The following ZBTB20 variants were observed in gnomAD, a reference collection of about 807,000 sequenced individuals.
The protein encoded by ZBTB20 is zinc finger and BTB domain containing 20.
In ZBTB20, 9 loss-of-function variants were observed where a neutral mutation model predicts 56.9. The ratio of observed to expected loss-of-function variants is 0.16; its 90% CI spans 0.10 to 0.28. The LOEUF (loss-of-function observed/expected upper bound fraction) is 0.28, where lower values mean the gene tolerates loss of function less well. Among genes scored for constraint, ZBTB20 ranks in the 10% least tolerant of loss-of-function variants. The pLI is 1.00. For missense variants in ZBTB20, 655 were observed against 1,003.0 expected, an observed-to-expected ratio of 0.65 and a Z score of 4.69; for synonymous variants, 417 against 420.7, an observed-to-expected ratio of 0.99 and a Z score of 0.11.
chr3:114,413,751 C>A (rs2088226976), intron 7 of ZBTB20, among the ~76,000 whole-genome samples: 1 of 152,132 alleles, frequency 6.6e-6, no homozygotes, highest in African/African-American at 2.4e-5. Flanking sequence ...TCTGCAGCAA[C>A]TATTATCATC....
chr3:114,733,416 A>G (rs2065903596), intron 5 of ZBTB20, among the ~76,000 whole-genome samples: 1 of 152,174 alleles, frequency 6.6e-6, no homozygotes, highest in Admixed American at 6.5e-5. Context: ...GGTTGGTGTC[A>G]CAGCTAATAC....
intron 2 of ZBTB20, among the ~76,000 whole-genome samples, chr3:115,051,890 C>T (rs2081564724): frequency 6.6e-6 from 1 of 151,840 alleles, no homozygotes; most frequent in South Asian, 2.1e-4. Context: ...GCAAGCATGG[C>T]TTACTATGGA....
At chr3:114,515,383 A>G (rs2109854491) in intron 6 of ZBTB20, among the ~76,000 whole-genome samples, 1 of 152,310 alleles carries the variant, frequency 6.6e-6, no homozygotes, top group Middle Eastern at 3.4e-3. Context: ...TGGAGCTCAG[A>G]TGAACCCACA....
chr3:114,949,690 C>T (rs1172770322), intron 3 of ZBTB20, among the ~76,000 whole-genome samples: 1 of 146,090 alleles, frequency 6.8e-6, no homozygotes, highest in Non-Finnish European at 1.5e-5. Context: ...ATCGCTTGAA[C>T]TCAGGAGGCA....
At chr3:115,118,176 T>C (rs1205202505) in intron 1 of ZBTB20, among the ~76,000 whole-genome samples, 1 of 152,160 alleles carries the variant, frequency 6.6e-6, no homozygotes, top group African/African-American at 2.4e-5. Flanking sequence ...TCAAATTTTG[T>C]TGTATTGTAG....
chr3:114,727,035 T>G (rs1338235691), intron 5 of ZBTB20, among the ~76,000 whole-genome samples: 1 of 149,804 alleles, frequency 6.7e-6, no homozygotes, highest in Non-Finnish European at 1.5e-5. Flanking sequence ...GGAATAGCCC[T>G]CTTTATTTCC....
At chr3:115,011,698 A>AT (rs1477719761) in intron 2 of ZBTB20, among the ~76,000 whole-genome samples, 8 of 151,924 alleles carry the variant, frequency 5.3e-5, no homozygotes, top group Admixed American at 1.3e-4. Context: ...TTAATGAGCA[A>AT]TAAAAAAATC....
chr3:114,424,835 T>C (rs148362798), intron 7 of ZBTB20, among the ~76,000 whole-genome samples: 43 of 152,322 alleles, frequency 2.8e-4, no homozygotes, highest in African/African-American at 1.0e-3. Flanking sequence ...CAAGTCCTTT[T>C]ACTGTCATTC....
At chr3:114,572,405 G>T (rs1470747830) in intron 6 of ZBTB20, among the ~76,000 whole-genome samples, 1 of 152,204 alleles carries the variant, frequency 6.6e-6, no homozygotes, top group Non-Finnish European at 1.5e-5. Flanking sequence ...ACTAGGCTAA[G>T]AATCCTTCAT....
intron 10 of ZBTB20, among the ~76,000 whole-genome samples, chr3:114,360,358 T>TTTTGAGAC (rs1553798292): frequency 2.7e-4 from 41 of 150,560 alleles, no homozygotes; most frequent in African/African-American, 9.2e-4. Flanking sequence ...TTTTTTTTTT[T>TTTTGAGAC]TTTGAGACGG....
intron 7 of ZBTB20, among the ~76,000 whole-genome samples, chr3:114,487,708 C>T (rs1029753941): frequency 6.6e-6 from 1 of 152,180 alleles, no homozygotes; most frequent in Non-Finnish European, 1.5e-5. Context: ...ACAGTTTGCA[C>T]GGCAGAGGCG....
intron 6 of ZBTB20, chr3:114,528,894 G>A (rs945736909): frequency 6.6e-6 from 1 of 152,020 alleles, no homozygotes; most frequent in Non-Finnish European, 1.5e-5. Flanking sequence ...GATGTTGAAA[G>A]CTAACATGTC....
Position 114,611,727 on chromosome 3 carries a change from A to G in ZBTB20, c.-295+81801T>C, listed in dbSNP as rs573173048. 2.0e-5 allele frequency among the ~76,000 whole-genome samples: 3 copies of G among 152,238 alleles called. No homozygotes were observed. In the East Asian group the frequency reaches 5.8e-4, roughly 29 times the overall value. On this transcript the variant is annotated intron_variant, in intron 6 of 11. Coordinates refer to ENST00000675478, the MANE Select transcript of ZBTB20 (RefSeq NM_001348800.3). ...ATCCCCACAGTCATGAGTGTATTTG[A>G]GTCTTGATTGCTCTTTACTTAAATT...
chr3:114,419,213 G>C (rs891338432), intron 7 of ZBTB20: 1 of 152,072 alleles, frequency 6.6e-6, no homozygotes, highest in South Asian at 2.1e-4. Context: ...AATACACGGA[G>C]TTCACTTTCA....
intron 4 of ZBTB20, among the ~76,000 whole-genome samples, chr3:114,817,154 C>A (rs1158174807): frequency 6.6e-6 from 1 of 151,324 alleles, no homozygotes; most frequent in Non-Finnish European, 1.5e-5. Context: ...AAATCTCTCT[C>A]TATATTAAGT....
intron 3 of ZBTB20, among the ~76,000 whole-genome samples, chr3:114,947,542 A>C (rs564713840): frequency 1.4e-5 from 2 of 146,210 alleles, no homozygotes; most frequent in South Asian, 4.3e-4. Flanking sequence ...TTGTAAGTGA[A>C]ATAACTCAGA....
intron 7 of ZBTB20, among the ~76,000 whole-genome samples, chr3:114,448,870 C>G (rs989796570): frequency 3.3e-5 from 5 of 151,962 alleles, no homozygotes; most frequent in Non-Finnish European, 7.4e-5. Flanking sequence ...TACAGTAATG[C>G]TAACCTTTTC....
intron 6 of ZBTB20, among the ~76,000 whole-genome samples, chr3:114,597,855 A>G (rs2056448446): frequency 6.6e-6 from 1 of 152,142 alleles, no homozygotes; most frequent in African/African-American, 2.4e-5. Context: ...TCAACTTTTC[A>G]GTAATTTCTT....
At chr3:115,126,148 T>C (rs2084326914) in intron 1 of ZBTB20, among the ~76,000 whole-genome samples, 1 of 152,328 alleles carries the variant, frequency 6.6e-6, no homozygotes, top group Middle Eastern at 3.4e-3. Flanking sequence ...ACATCAAGAC[T>C]ACTGTAAGGT....
Sources: gnomAD v4.1 joint callset for allele counts (sites outside exome capture counted in the v4.1 genomes callset) on GRCh38, gnomAD v4.1.1 for gene constraint, MANE v1.5 for transcripts, NCBI Gene and HGNC (gene_info 2026-07-23, HGNC 2026-07-21) for gene names.